The following ABCB1 variants were observed in gnomAD, a reference collection of about 807,000 sequenced individuals.
The protein encoded by ABCB1 is ATP binding cassette subfamily B member 1.
Under a neutral mutation model 142.0 loss-of-function variants are expected in ABCB1, and 69 were observed. The observed-to-expected ratio is 0.49, with a 90% CI of 0.40 to 0.59. The LOEUF (loss-of-function observed/expected upper bound fraction) is 0.59, where lower values mean the gene tolerates loss of function less well. ABCB1 is among the 20% of genes least tolerant of loss of function. The probability of loss-of-function intolerance (pLI) is 0.00; values close to 1 mark genes in which losing one functional copy is unlikely to be tolerated. For synonymous variants in ABCB1, 532 were observed against 539.2 expected (o/e 0.99, Z 0.18); for missense variants, 1,326 against 1,554.7 (o/e 0.85, Z 2.47).
chr7:87,687,793 T>G (rs1425264771), intron 1 of ABCB1, among the ~76,000 whole-genome samples: 1 of 152,206 alleles, frequency 6.6e-6, no homozygotes, highest in East Asian at 1.9e-4. Context: ...GAACTCTGGC[T>G]TGAACCTCAA....
chr7:87,695,372 CT>C (rs1651030888), intron 1 of ABCB1, among the ~76,000 whole-genome samples: 1 of 151,978 alleles, frequency 6.6e-6, no homozygotes, highest in Non-Finnish European at 1.5e-5. Flanking sequence ...ATTAAACTGG[CT>C]TTTATAAATT....
At chr7:87,549,753 C>G in intron 13 of ABCB1, 98 bp downstream of exon 13, 7 of 1,451,502 alleles carry the variant, frequency 4.8e-6, no homozygotes, top group Non-Finnish European at 6.7e-6. Flanking sequence ...TTAGGATTTC[C>G]CTTCTTCCGA....
intron 1 of ABCB1, chr7:87,629,106 G>C: frequency 1.6e-6 from 1 of 623,146 alleles, no homozygotes; most frequent in Non-Finnish European, 2.4e-6. Flanking sequence ...CCTTGGACAG[G>C]GGCCCGGGTC....
intron 1 of ABCB1, among the ~76,000 whole-genome samples, chr7:87,675,640 GA>G (rs1372005827): frequency 1.9e-5 from 1 of 51,998 alleles, no homozygotes; most frequent in Non-Finnish European, 3.5e-5. Context: ...TCAGAAAACT[GA>G]ATATTCACAT....
intron 25 of ABCB1, among the ~76,000 whole-genome samples, chr7:87,513,761 C>T (rs1412369603): frequency 6.6e-6 from 1 of 152,182 alleles, no homozygotes; most frequent in African/African-American, 2.4e-5. Flanking sequence ...CTTTAACTCA[C>T]AAAACTATAT....
At chr7:87,559,011 G>A (rs1366746149) in intron 8 of ABCB1, among the ~76,000 whole-genome samples, 1 of 151,962 alleles carries the variant, frequency 6.6e-6, no homozygotes, top group African/African-American at 2.4e-5. Flanking sequence ...CTATGTTTTA[G>A]GTGAAACTGT....
intron 1 of ABCB1, among the ~76,000 whole-genome samples, chr7:87,630,452 A>G (rs567798733): frequency 6.6e-6 from 1 of 152,292 alleles, no homozygotes; most frequent in Admixed American, 6.5e-5. Flanking sequence ...ACTTTTTGAG[A>G]CAAATAGGCT....
chr7:87,689,582 ATTAC>A (rs1827823916), intron 1 of ABCB1, among the ~76,000 whole-genome samples: 1 of 152,162 alleles, frequency 6.6e-6, no homozygotes. Context: ...TATTGCTAAT[ATTAC>A]TTTATTGTGC....
At chr7:87,681,681 C>T (rs1304754570) in intron 1 of ABCB1, among the ~76,000 whole-genome samples, 6 of 143,416 alleles carry the variant, frequency 4.2e-5, no homozygotes, top group Admixed American at 2.8e-4. Context: ...GATTGATGTG[C>T]TGGCTGCTGA....
intron 1 of ABCB1, among the ~76,000 whole-genome samples, chr7:87,688,386 A>G (rs937853147): frequency 6.6e-6 from 1 of 151,944 alleles, no homozygotes; most frequent in African/African-American, 2.4e-5. Flanking sequence ...ATATATACAT[A>G]TATATACACA....
At chr7:87,712,156 G>A (rs1220270912) in intron 1 of ABCB1, among the ~76,000 whole-genome samples, 4 of 152,036 alleles carry the variant, frequency 2.6e-5, no homozygotes, top group Admixed American at 2.0e-4. Flanking sequence ...ATGATTGTAA[G>A]TTTGACCAGG....
chr7:87,595,472 TG>T (rs1331491944), intron 3 of ABCB1, among the ~76,000 whole-genome samples: 1 of 152,088 alleles, frequency 6.6e-6, no homozygotes, highest in Non-Finnish European at 1.5e-5. Flanking sequence ...TCTATGTGAT[TG>T]GTTTCCTCTA....
At chr7:87,674,049 C>T (rs1826081641) in intron 1 of ABCB1, among the ~76,000 whole-genome samples, 1 of 152,178 alleles carries the variant, frequency 6.6e-6, no homozygotes, top group South Asian at 2.1e-4. Flanking sequence ...TGGCTTTGTT[C>T]TCTGGCCCCT....
rs202177063 is a variant in ABCB1, at chr7:87,503,982, A to T, written c.*261T>A. ...AGTCCAAATGGGAAAATATAAACAAAATTACACATTTTATCTTTTAAAATC... is the reference window on the plus strand; with the variant it reads ...AGTCCAAATGGGAAAATATAAACAATATTACACATTTTATCTTTTAAAATC... On this transcript the variant is annotated 3_prime_UTR_variant, in exon 28 of 28. Transcript: ENST00000622132. 507 of 527,290 alleles carry T rather than the reference A, an allele frequency of 9.6e-4. No individual in the cohort carries two copies. The highest frequency in any genetic ancestry group is 1.4e-3 in the Non-Finnish European group (418 of 297,928). 32.7% of individuals were successfully genotyped at this position (527,290 alleles called of 1,614,324 possible).
At chr7:87,700,398 A>G (rs542766792) in intron 1 of ABCB1, 21 of 1,556,096 alleles carry the variant, frequency 1.3e-5, no homozygotes, top group African/African-American at 1.1e-4. Flanking sequence ...TTAAAATTTT[A>G]TATCGCAATT....
Position 87,550,274 on chromosome 7 carries a change from T to C in ABCB1, c.1247A>G (p.Lys416Arg), listed in dbSNP as rs201491802. The change falls in exon 12 of 28, where the codon AAG becomes AGG. Residue 416 changes from lysine (K) to arginine (R), a missense_variant. Coordinates refer to ENST00000622132, the MANE Select transcript of ABCB1 (RefSeq NM_001348946.2). Reference sequence around the variant, plus strand: ...GGCCACCGTCTGCCCACTCTGCACCTTCAGGTTCAGACCCTTCAAGATCTA... The same window carrying C: ...GGCCACCGTCTGCCCACTCTGCACCCTCAGGTTCAGACCCTTCAAGATCTA... The part of the protein sequence containing the change: ...EVKILKGLNL[K>R]VQSGQTVALV... 6.2e-6 allele frequency: 10 copies of C among 1,614,122 alleles called. No individual in the cohort carries two copies. The highest frequency in any genetic ancestry group is 8.5e-6 in the Non-Finnish European group (10 of 1,180,016).
chr7:87,566,038 G>C (rs760400646), intron 7 of ABCB1, 32 bp downstream of exon 7: 1 of 1,613,402 alleles, frequency 6.2e-7, no homozygotes, highest in South Asian at 1.1e-5. Flanking sequence ...AGAAGGTGCA[G>C]TTCAAAATCT....
chr7:87,617,159 G>C (rs187243124), intron 1 of ABCB1, among the ~76,000 whole-genome samples: 1 of 152,290 alleles, frequency 6.6e-6, no homozygotes, highest in Non-Finnish European at 1.5e-5. Context: ...CCTTTAAGTG[G>C]TTGAAGACAT....
chr7:87,625,256 C>CA (rs533472824), intron 1 of ABCB1, among the ~76,000 whole-genome samples: 4,647 of 124,450 alleles, frequency 0.037, 71 homozygotes, highest in South Asian at 0.073. Flanking sequence ...GACTGCGTCT[C>CA]AAAAAAAAAA....
Sources: allele counts gnomAD v4.1 joint callset (sites outside exome capture counted in the v4.1 genomes callset), GRCh38; gene constraint gnomAD v4.1.1; transcripts MANE v1.5; gene names NCBI Gene and HGNC (gene_info 2026-07-23, HGNC 2026-07-21).